The following RERE variants were observed in gnomAD, a reference collection of about 807,000 sequenced individuals.
RERE encodes the protein arginine-glutamic acid dipeptide repeats protein.
RERE carries 40 observed loss-of-function variants against 146.1 expected under a neutral mutation model. The ratio of observed to expected loss-of-function variants is 0.27; its 90% CI spans 0.21 to 0.36. RERE has a LOEUF of 0.36. Among genes scored for constraint, RERE ranks in the 10% least tolerant of loss-of-function variants. RERE has a pLI of 1.00. For missense variants in RERE, 1,933 were observed against 2,138.7 expected (o/e 0.90, Z 1.90); for synonymous variants, 1,003 against 866.0 (o/e 1.16, Z -2.78).
intron 11 of RERE, chr1:8,434,574 GTCTCTCTGT>G (rs1167297913): frequency 6.6e-6 from 1 of 152,174 alleles, no homozygotes; most frequent in Non-Finnish European, 1.5e-5. Context: ...TGACAGGTGG[GTCTCTCTGT>G]TCTCTCCTCC....
Position 8,358,882 on chromosome 1 carries a change from C to G in RERE, c.3653G>C (p.Ser1218Thr), listed in dbSNP as rs373405022. The G allele has an allele frequency of 1.5e-5, 23 of 1,563,652 alleles. No individual in the cohort carries two copies. In the African/African-American group the frequency reaches 3.1e-4, roughly 21 times the overall value. ...ASSSAHEGRLSDPQLSGPGHM... is the reference protein window; with the variant it reads ...ASSSAHEGRLTDPQLSGPGHM... ...GCCAGGACCACTGAGCTGTGGGTCA[C>G]TGAGGCGACCTTCATGCGCTGAGCT... The change falls in exon 20 of 23, where the codon AGT becomes ACT. Residue 1218 changes from serine to threonine, a missense_variant. Physicochemically the swap from Ser to Thr is moderately conservative, Grantham distance 58. Around this residue, in one of 11 missense-constraint regions of RERE, gnomAD observed 1,255 missense variants for 1,153.8 expected, o/e 1.09. Coordinates refer to ENST00000400908, the MANE Select transcript of RERE (RefSeq NM_001042681.2).
In RERE at chr1:8,353,602, T is replaced by C. The variant is rs1319225803; in HGVS notation, c.*1485A>G. 4 of 152,188 alleles carry C rather than the reference T, an allele frequency of 2.6e-5. No homozygotes were observed. The highest frequency in any genetic ancestry group is 2.9e-5 in the Non-Finnish European group (2 of 68,080). 9.4% of individuals were successfully genotyped at this position (152,188 alleles called of 1,614,324 possible). ...CACCCGCCCTCAGCCTGGGAGAAAGTGCGTTACGGCTGCAGCCTGGAAACG... is the reference window on the plus strand; with the variant it reads ...CACCCGCCCTCAGCCTGGGAGAAAGCGCGTTACGGCTGCAGCCTGGAAACG... On this transcript the variant is annotated 3_prime_UTR_variant, in exon 23 of 23. Transcript: ENST00000400908.
At chr1:8,736,644 C>A (rs1440730546) in intron 1 of RERE, among the ~76,000 whole-genome samples, 1 of 152,048 alleles carries the variant, frequency 6.6e-6, no homozygotes, top group African/African-American at 2.4e-5. Context: ...TTACCCTTGG[C>A]TTATATCATA....
chr1:8,763,409 G>T (rs943137955), intron 1 of RERE, among the ~76,000 whole-genome samples: 3 of 152,142 alleles, frequency 2.0e-5, no homozygotes, highest in Non-Finnish European at 4.4e-5. Flanking sequence ...GAGGCGCATG[G>T]ATCATTTGAA....
intron 2 of RERE, among the ~76,000 whole-genome samples, chr1:8,654,058 G>C (rs938415065): frequency 1.3e-5 from 2 of 151,524 alleles, no homozygotes; most frequent in Non-Finnish European, 2.9e-5. Context: ...GGGAGGGGTG[G>C]AGACAGGGTT....
intron 12 of RERE, among the ~76,000 whole-genome samples, chr1:8,416,982 T>C (rs1380133352): frequency 6.6e-6 from 1 of 152,222 alleles, no homozygotes; most frequent in Non-Finnish European, 1.5e-5. Context: ...ACAACGTTTG[T>C]AGAAGAGGGA....
At position 8,410,495 on chromosome 1, in the gene RERE, C is replaced by A. The variant is rs74612277; in HGVS notation, c.1284+12232G>T. On this transcript the variant is annotated intron_variant, in intron 12 of 22. Transcript: ENST00000400908. ...ACAATGTATGGAAGGTGAAGTGATA[C>A]AGATTTCAGCTTAATAAAAGGAAGG... Among the ~76,000 whole-genome samples the A allele has an allele frequency of 8.3e-3, 1,259 of 152,254 alleles. 15 individuals are homozygous for A. Among genetic ancestry groups the A allele is most frequent in the African/African-American group, 0.029 (1,202 of 41,512 alleles).
rs116419349 is a variant in RERE, at chr1:8,738,148, C to T, written c.-145+79012G>A. ...GCCTCTGTTCAGAAGACCTTCCCTG[C>T]CCTCTCTTCACGGGGCAAACCTACA... On this transcript the variant is annotated intron_variant, in intron 1 of 22. Coordinates refer to ENST00000400908, the MANE Select transcript of RERE (RefSeq NM_001042681.2). 2.9e-3 allele frequency among the ~76,000 whole-genome samples: 440 copies of T among 152,280 alleles called. 3 individuals carry two copies. The highest frequency in any genetic ancestry group is 0.01 in the African/African-American group (419 of 41,556).
At chr1:8,777,628 G>A (rs1641089621) in intron 1 of RERE, among the ~76,000 whole-genome samples, 1 of 149,266 alleles carries the variant, frequency 6.7e-6, no homozygotes, top group Non-Finnish European at 1.5e-5. Flanking sequence ...TCCACCTCCT[G>A]GGTTCACACC....
chr1:8,553,864 T>C (rs191849121), intron 6 of RERE, among the ~76,000 whole-genome samples: 122 of 152,286 alleles, frequency 8.0e-4, no homozygotes, highest in African/African-American at 2.8e-3. Flanking sequence ...TTAGGATAAC[T>C]TGTTCTTCTA....
chr1:8,613,783 A>G (rs1187814200), intron 4 of RERE, among the ~76,000 whole-genome samples: 3 of 152,212 alleles, frequency 2.0e-5, no homozygotes, highest in Admixed American at 1.3e-4. Flanking sequence ...GTCATTCAGA[A>G]TAATAAATAC....
chr1:8,706,727 C>T (rs1557493901), intron 1 of RERE, among the ~76,000 whole-genome samples: 1 of 152,152 alleles, frequency 6.6e-6, no homozygotes, highest in Admixed American at 6.5e-5. Flanking sequence ...CTCTAAGTAA[C>T]AGACCTGACA....
chr1:8,366,196 A>T (rs1641797878), intron 12 of RERE, among the ~76,000 whole-genome samples: 1 of 152,226 alleles, frequency 6.6e-6, no homozygotes, highest in South Asian at 2.1e-4. Context: ...TCAGCCCAGC[A>T]CAGCTTGACT....
chr1:8,435,078 G>A (rs1644150310), intron 11 of RERE, among the ~76,000 whole-genome samples: 1 of 152,212 alleles, frequency 6.6e-6, no homozygotes, highest in African/African-American at 2.4e-5. Flanking sequence ...ACTAATACAA[G>A]ATTCATTACT....
chr1:8,747,931 C>T (rs563174471), intron 1 of RERE, among the ~76,000 whole-genome samples: 95 of 152,190 alleles, frequency 6.2e-4, no homozygotes, highest in Admixed American at 1.4e-3. Flanking sequence ...CATGCCACCA[C>T]ACCCAGCTAA....
chr1:8,360,903 G>A lies in RERE; in HGVS notation c.2604C>T (p.Pro868=). ...GGGGAGGGAGGCCAAAGGGCTGTGG[G>A]GGGCCTGGGTGCTGCAGCAGGGGCC... ...QAGPLLQHPG[P]PQPFGLPPQA... The change falls in exon 18 of 23, where the codon CCC becomes CCT. Residue 868 remains proline (P), a synonymous_variant. Coordinates refer to ENST00000400908, the MANE Select transcript of RERE (RefSeq NM_001042681.2). 1 of 1,500,450 alleles carries A rather than the reference G, an allele frequency of 6.7e-7. No homozygotes were observed. Among genetic ancestry groups the A allele is most frequent in the Non-Finnish European group, 8.8e-7 (1 of 1,131,220 alleles). The allele number at this position is 1,500,450 out of a possible 1,614,324, so 92.9% of individuals were successfully genotyped here.
chr1:8,469,552 G>A (rs546965469), intron 10 of RERE, among the ~76,000 whole-genome samples: 22 of 152,292 alleles, frequency 1.4e-4, no homozygotes, highest in Non-Finnish European at 2.6e-4. Context: ...GAACCCAGGC[G>A]GCAGAGGTTG....
At chr1:8,491,793 G>A (rs115136021) in intron 10 of RERE, among the ~76,000 whole-genome samples, 2,617 of 152,224 alleles carry the variant, frequency 0.017, 27 homozygotes, top group Middle Eastern at 0.051. Context: ...TGTTGCCCTA[G>A]GAAGCAGGAA....
intron 1 of RERE, among the ~76,000 whole-genome samples, chr1:8,687,913 G>A (rs1639126686): frequency 6.6e-6 from 1 of 152,124 alleles, no homozygotes; most frequent in South Asian, 2.1e-4. Flanking sequence ...CTTATTCACA[G>A]AAGTACAAAT....
Sources: allele counts gnomAD v4.1 joint callset (sites outside exome capture counted in the v4.1 genomes callset), GRCh38; gene constraint gnomAD v4.1.1; regional missense constraint gnomAD v4.1.1; transcripts MANE v1.5; gene names NCBI Gene and HGNC (gene_info 2026-07-23, HGNC 2026-07-21).